The following HINFP variants were observed in gnomAD, a reference collection of about 807,000 sequenced individuals.
HINFP encodes histone H4 transcription factor, also known as MBD2 (methyl-CpG-binding protein)-interacting zinc finger protein.
HINFP carries 20 observed loss-of-function variants against 50.1 expected under a neutral mutation model. The observed-to-expected ratio is 0.40, with a 90% confidence interval of 0.28 to 0.58. The LOEUF is 0.58. HINFP is among the 20% of genes least tolerant of loss of function. The pLI, the probability that HINFP is intolerant of heterozygous loss-of-function variation, is 0.45. For synonymous variants in HINFP, 247 were observed against 243.7 expected (o/e 1.01, Z -0.13); for missense variants, 505 against 664.1 (o/e 0.76, Z 2.63).
Position 119,134,144 on chromosome 11 carries a change from G to T in HINFP, c.1200G>T (p.Glu400Asp). 1.9e-6 allele frequency: 3 copies of T among 1,613,622 alleles called. No homozygotes were observed. The highest frequency in any genetic ancestry group is 1.7e-6 in the Non-Finnish European group (2 of 1,179,860). Reference protein sequence around the residue: ...RLQLVRYESVELTQQLLRQPQ... With the variant: ...RLQLVRYESVDLTQQLLRQPQ... The stretch of plus-strand genomic sequence containing the variant: ...AGCTGGTTCGCTACGAGAGTGTAGA[G>T]CTGACACAGCAACTGCTGCGGCAAC... The change falls in exon 10 of 10, where the codon GAG (glutamate) becomes GAT (aspartate). Residue 400 changes from glutamate (E) to aspartate (D), a missense_variant. Glu to Asp is a conservative substitution (Grantham distance 45, BLOSUM62 2). Coordinates refer to ENST00000350777, the MANE Select transcript of HINFP (RefSeq NM_198971.3). The surrounding 1 kb of genome is among the most constrained non-coding windows in gnomAD (Gnocchi z 4.3).
chr11:119,132,571 A>G lies in HINFP; in HGVS notation c.752A>G (p.His251Arg). 6.2e-7 allele frequency: 1 copy of G among 1,614,104 alleles called. No individual in the cohort carries two copies. Among genetic ancestry groups the G allele is most frequent in the Non-Finnish European group, 8.5e-7 (1 of 1,180,012 alleles). The change falls in exon 6 of 10, where the codon CAT becomes CGT. Residue 251 changes from histidine to arginine, a missense_variant and splice_region_variant. Physicochemically the swap from His to Arg is conservative, Grantham distance 29. Transcript: ENST00000350777. ...CTATTGCGGGACCACATGCGCAACC[A>G]TGGTGAGTGGCCTGCGGCCCACAGC... ...ERLLRDHMRN[H>R]VNHYKCPLCD...
intron 8 of HINFP, 29 bp from the exon 9 acceptor site, chr11:119,133,066 G>C: frequency 6.2e-7 from 1 of 1,614,208 alleles, no homozygotes; most frequent in Non-Finnish European, 8.5e-7. Flanking sequence ...TGAAGAGCTG[G>C]TCTCATTTCT....
intron 1 of HINFP, chr11:119,124,615 T>C (rs7123630): frequency 0.93 from 142,164 of 152,226 alleles, 66,598 homozygotes; most frequent in African/African-American, 0.97. Context: ...TAGGCTTAAC[T>C]CCTGCCTTCC....
In HINFP at chr11:119,134,242, CA is replaced by C; in HGVS notation, c.1299del (p.Glu435SerfsTer33). 2 of 1,614,154 alleles carry C rather than the reference CA, an allele frequency of 1.2e-6. No homozygotes were observed. The highest frequency in any genetic ancestry group is 1.1e-5 in the South Asian group (1 of 91,088). ...SLQGIILETV[P>X]GEPGRKEEEE... ...CAGGGCATTATTCTAGAAACAGTGC[CA>C]GGGGAGCCAGGACGTAAGGAAGAGG... On this transcript the variant is annotated frameshift_variant, in exon 10 of 10. Transcript: ENST00000350777. LOFTEE classifies it low-confidence loss of function (END_TRUNC). The surrounding 1 kb of genome is among the most constrained non-coding windows in gnomAD (Gnocchi z 4.3).
At chr11:119,127,577 C>T (rs1221834393) in intron 2 of HINFP, 2 of 146,544 alleles carry the variant, frequency 1.4e-5, no homozygotes, top group Admixed American at 1.4e-4. Flanking sequence ...AGGGCTTCAT[C>T]TTGTCACCCA....
intron 1 of HINFP, among the ~76,000 whole-genome samples, chr11:119,122,240 A>G (rs192859825): frequency 1.5e-3 from 233 of 152,346 alleles, no homozygotes; most frequent in African/African-American, 5.3e-3. Flanking sequence ...AGAAGACAGG[A>G]GGACAGTCAG....
chr11:119,129,318 C>T (rs1010419345), intron 2 of HINFP, among the ~76,000 whole-genome samples: 3 of 151,842 alleles, frequency 2.0e-5, no homozygotes, highest in Non-Finnish European at 2.9e-5. Flanking sequence ...GGATTACAGG[C>T]GTGAGCCACT....
intron 1 of HINFP, chr11:119,124,294 G>GT (rs1399911307): frequency 6.6e-6 from 1 of 152,168 alleles, no homozygotes; most frequent in Non-Finnish European, 1.5e-5. Flanking sequence ...AGGATCTTCT[G>GT]TTTTTTCGTA....
intron 5 of HINFP, chr11:119,132,279 AC>A (rs1947805902): frequency 1.6e-6 from 1 of 621,784 alleles, no homozygotes; most frequent in African/African-American, 1.8e-5. Context: ...TAAATCACTT[AC>A]CTGAGATCAC....
intron 2 of HINFP, 189 bp downstream of exon 2, chr11:119,127,314 T>TC (rs1947463025): frequency 4.2e-6 from 2 of 480,816 alleles, no homozygotes; most frequent in Non-Finnish European, 7.2e-6. Context: ...AAGGAATAAA[T>TC]CTGCCATCCT....
At position 119,131,714 on chromosome 11, in the gene HINFP, A is replaced by G. The variant is rs1947769671; in HGVS notation, c.523+68A>G. On this transcript the variant is annotated intron_variant, in intron 4 of 9. Transcript: ENST00000350777. The surrounding 1 kb of genome is among the most constrained non-coding windows in gnomAD (Gnocchi z 4.2). ...GGGTTCCTGAAGAGCTGGGACAGAA[A>G]GGGATAGGGGTCCTACAGGGGCAAG... The G allele has an allele frequency of 3.2e-6, 5 of 1,587,026 alleles. No individual in the cohort carries two copies. Among genetic ancestry groups the G allele is most frequent in the Admixed American group, 1.7e-5 (1 of 59,954 alleles).
In HINFP at chr11:119,130,895, A is replaced by C; in HGVS notation, c.352A>C (p.Ser118Arg). 6.2e-7 allele frequency: 1 copy of C among 1,614,142 alleles called. No individual in the cohort carries two copies. The highest frequency in any genetic ancestry group is 8.5e-7 in the Non-Finnish European group (1 of 1,180,022). Residue 118 changes from serine (S) to arginine (R), a missense_variant, in exon 3 of 10, where the codon AGC becomes CGC. Coordinates refer to ENST00000350777, the MANE Select transcript of HINFP (RefSeq NM_198971.3). ...TGGCCCCTGCATCCTGGACTTCCAGAGCCGGAACGTCATCCCTGATATCCC... is the reference window on the plus strand; with the variant it reads ...TGGCCCCTGCATCCTGGACTTCCAGCGCCGGAACGTCATCCCTGATATCCC... The part of the protein sequence containing the change: ...DLGPCILDFQ[S>R]RNVIPDIPDH...
At position 119,135,224 on chromosome 11, in the gene HINFP, C is replaced by A; in HGVS notation, c.*726C>A. ...TCTCCTCCTCCCCTTGGTGAAACTT[C>A]GCTATTCTCAGAGCGTATGCCATTT... On this transcript the variant is annotated 3_prime_UTR_variant, in exon 10 of 10. Coordinates refer to ENST00000350777, the MANE Select transcript of HINFP (RefSeq NM_198971.3). 6.6e-6 allele frequency: 1 copy of A among 152,338 alleles called. No homozygotes were observed. Among genetic ancestry groups the A allele is most frequent in the Non-Finnish European group, 1.5e-5 (1 of 68,080 alleles). 9.4% of individuals were successfully genotyped at this position (152,338 alleles called of 1,614,324 possible).
In HINFP at chr11:119,134,046, G is replaced by T; in HGVS notation, c.1140-38G>T. The T allele has an allele frequency of 6.2e-7, 1 of 1,613,636 alleles. No individual in the cohort carries two copies. Among genetic ancestry groups the T allele is most frequent in the Non-Finnish European group, 8.5e-7 (1 of 1,179,652 alleles). On this transcript the variant is annotated intron_variant, in intron 9 of 9. Coordinates refer to ENST00000350777, the MANE Select transcript of HINFP (RefSeq NM_198971.3). The surrounding 1 kb of genome is among the most constrained non-coding windows in gnomAD (Gnocchi z 4.3). ...GCCTCGGCCATTTCTGTATCCCCCT[G>T]CCTGGGTTTGCTGCCCTTTATGCTC...
In HINFP at chr11:119,126,936, G is replaced by A; in HGVS notation, c.-9G>A. 5 of 1,609,900 alleles carry A rather than the reference G, an allele frequency of 3.1e-6. No individual in the cohort carries two copies. The highest frequency in any genetic ancestry group is 2.2e-5 in the South Asian group (2 of 90,490). On this transcript the variant is annotated splice_region_variant and 5_prime_UTR_variant, in exon 2 of 10. It adds an upstream start codon to the 5' untranslated region. Transcript: ENST00000350777. ...GTGGATTTCTTCCTCTTCCTCTAGG[G>A]TGAAGGCCATGCCGCCTCCTGGGAA...
chr11:119,131,526 CT>C lies in HINFP; in HGVS notation c.412-8del, dbSNP rs1188615393. 4 of 1,608,238 alleles carry C rather than the reference CT, an allele frequency of 2.5e-6. No homozygotes were observed. The highest frequency in any genetic ancestry group is 2.2e-5 in the East Asian group (1 of 44,870). On this transcript the variant is annotated splice_region_variant and splice_polypyrimidine_tract_variant and intron_variant, in intron 3 of 9. Transcript: ENST00000350777. This position sits in a 1 kb window ranked among gnomAD's most constrained non-coding sequence, Gnocchi z 4.2. ...CCTCAGTCCTCACCCCAAGTTGCCC[CT>C]GGCACAGAATTCCTTCGACAATCCT...
rs1475957710 is a variant in HINFP at position 119,131,108 on chromosome 11, A to G, written c.411+154A>G. On this transcript the variant is annotated intron_variant, in intron 3 of 9. Coordinates refer to ENST00000350777, the MANE Select transcript of HINFP (RefSeq NM_198971.3). This position sits in a 1 kb window ranked among gnomAD's most constrained non-coding sequence, Gnocchi z 4.2. ...CTTTTAAAATTTGTTTATTTTTTAC[A>G]CACAGGCTCTTGATCTGAAGCCCAG... The G allele has an allele frequency of 1.3e-6, 1 of 746,270 alleles. No individual in the cohort carries two copies. Among genetic ancestry groups the G allele is most frequent in the Non-Finnish European group, 2.3e-6 (1 of 425,980 alleles). 46.2% of individuals were successfully genotyped at this position (746,270 alleles called of 1,614,324 possible).
rs1565797629 is a variant in HINFP at position 119,131,411 on chromosome 11, C to T, written c.412-124C>T. ...GCCACTCCTCCATTTCTGTGCAGTG[C>T]CTTTCCTCAAAATTTCCCATCCCCA... On this transcript the variant is annotated intron_variant, in intron 3 of 9. Transcript: ENST00000350777. This position sits in a 1 kb window ranked among gnomAD's most constrained non-coding sequence, Gnocchi z 4.2. 1 of 731,346 alleles carries T rather than the reference C, an allele frequency of 1.4e-6. No individual in the cohort carries two copies. Among genetic ancestry groups the T allele is most frequent in the Non-Finnish European group, 2.5e-6 (1 of 405,474 alleles). 45.3% of individuals were successfully genotyped at this position (731,346 alleles called of 1,614,324 possible).
At position 119,134,532 on chromosome 11, in the gene HINFP, C is replaced by T. The variant is rs147799922; in HGVS notation, c.*34C>T. ...GAGCCAGACCATTTCTTCCCCAGGT[C>T]CTGAAGTTTGAGCCAGGCAAGTGGC... On this transcript the variant is annotated 3_prime_UTR_variant, in exon 10 of 10. Coordinates refer to ENST00000350777, the MANE Select transcript of HINFP (RefSeq NM_198971.3). This position sits in a 1 kb window ranked among gnomAD's most constrained non-coding sequence, Gnocchi z 4.3. 1.4e-5 allele frequency: 21 copies of T among 1,517,818 alleles called. 1 individual carries two copies. The East Asian group carries it at 4.4e-4, about 32-fold the overall frequency. The allele number at this position is 1,517,818 out of a possible 1,614,324, so 94.0% of individuals were successfully genotyped here.
Sources: allele counts gnomAD v4.1 joint callset (sites outside exome capture counted in the v4.1 genomes callset), GRCh38; gene constraint gnomAD v4.1.1; non-coding constraint Gnocchi (gnomAD v3.1); transcripts MANE v1.5; gene names NCBI Gene and HGNC (gene_info 2026-07-23, HGNC 2026-07-21).